GRID1: variants seen among roughly 807,000 people sequenced by gnomAD.
The protein encoded by GRID1 is glutamate ionotropic receptor delta type subunit 1, also known as glutamate receptor ionotropic, delta-1.
GRID1 carries 28 observed loss-of-function variants against 98.0 expected under a neutral mutation model. The ratio of observed to expected loss-of-function variants is 0.29; its 90% CI spans 0.21 to 0.39. The LOEUF (loss-of-function observed/expected upper bound fraction) is 0.39, where lower values mean the gene tolerates loss of function less well. Ranked by LOEUF, GRID1 falls within the 10% of genes least tolerant of loss-of-function variation. The pLI is 1.00. For synonymous variants in GRID1, 553 were observed against 538.5 expected, an observed-to-expected ratio of 1.03 and a Z score of -0.37; for missense variants, 1,111 against 1,340.5, an observed-to-expected ratio of 0.83 and a Z score of 2.67.
intron 2 of GRID1, among the ~76,000 whole-genome samples, chr10:86,271,116 C>A (rs1279481539): frequency 2.0e-5 from 3 of 152,094 alleles, no homozygotes. Context: ...AGCAAACGCC[C>A]CAAAGCCAGG....
intron 8 of GRID1, among the ~76,000 whole-genome samples, chr10:85,815,064 T>C (rs1308677384): frequency 2.0e-5 from 3 of 151,994 alleles, no homozygotes; most frequent in African/African-American, 4.8e-5. Context: ...CCAAGTGATG[T>C]TCATGCCCAA....
intron 8 of GRID1, among the ~76,000 whole-genome samples, chr10:85,779,553 T>C (rs1450188612): frequency 6.6e-6 from 1 of 152,112 alleles, no homozygotes; most frequent in East Asian, 1.9e-4. Flanking sequence ...AAGGACAGGC[T>C]CAACTGATCC....
intron 14 of GRID1, among the ~76,000 whole-genome samples, chr10:85,616,315 T>C (rs1842788005): frequency 6.6e-6 from 1 of 152,210 alleles, no homozygotes. Flanking sequence ...CCCACTGTTG[T>C]AATTAGAAAG....
intron 4 of GRID1, among the ~76,000 whole-genome samples, chr10:86,005,581 C>A (rs879543244): frequency 6.6e-6 from 1 of 152,128 alleles, no homozygotes; most frequent in Non-Finnish European, 1.5e-5. Context: ...GATAAATTAA[C>A]CACCAGGATG....
At chr10:86,000,558 T>C (rs1029544173) in intron 4 of GRID1, among the ~76,000 whole-genome samples, 1 of 152,194 alleles carries the variant, frequency 6.6e-6, no homozygotes, top group East Asian at 1.9e-4. Flanking sequence ...CAGCATGGTA[T>C]TGGTGAAGGG....
At position 86,328,710 on chromosome 10, in the gene GRID1, G is replaced by T. The variant is rs188952627; in HGVS notation, c.235+35231C>A. Among the ~76,000 whole-genome samples, 153 of 152,258 alleles carry T rather than the reference G, an allele frequency of 1.0e-3. 1 individual carries two copies. The highest frequency in any genetic ancestry group is 1.8e-3 in the Non-Finnish European group (121 of 68,016). ...TAGATTATCTCACATCCCCAGAAAT[G>T]ATTCACAGGTCAAGAGTGAGCCTTG... On this transcript the variant is annotated intron_variant, in intron 2 of 15. Transcript: ENST00000327946.
chr10:85,826,508 G>T (rs58474937), intron 8 of GRID1, among the ~76,000 whole-genome samples: 1 of 151,620 alleles, frequency 6.6e-6, no homozygotes, highest in African/African-American at 2.4e-5. Flanking sequence ...ACCCTCCCCC[G>T]TCCCCCACCC....
intron 4 of GRID1, among the ~76,000 whole-genome samples, chr10:85,933,274 T>G (rs1841881738): frequency 9.1e-6 from 1 of 110,096 alleles, no homozygotes. Flanking sequence ...AAGAAATAAA[T>G]CTCTGTTCTT....
intron 2 of GRID1, among the ~76,000 whole-genome samples, chr10:86,306,840 C>G (rs1417734154): frequency 6.6e-6 from 1 of 152,218 alleles, no homozygotes; most frequent in Non-Finnish European, 1.5e-5. Flanking sequence ...CTTAGGATAA[C>G]TGTGTCTTCC....
At chr10:86,237,929 A>C (rs982281078) in intron 2 of GRID1, among the ~76,000 whole-genome samples, 1 of 152,134 alleles carries the variant, frequency 6.6e-6, no homozygotes, top group African/African-American at 2.4e-5. Flanking sequence ...AATACAGCAA[A>C]TTGGTATTGA....
chr10:85,647,694 G>A (rs1843213775), intron 12 of GRID1: 3 of 318,872 alleles, frequency 9.4e-6, no homozygotes, highest in Admixed American at 4.2e-5. Context: ...CATGATTCCT[G>A]CCTTCAAGGA....
intron 12 of GRID1, among the ~76,000 whole-genome samples, chr10:85,667,853 C>T (rs181325801): frequency 3.9e-5 from 6 of 152,324 alleles, no homozygotes; most frequent in Non-Finnish European, 8.8e-5. Flanking sequence ...TCTGACTAGG[C>T]TTCCCCGCTC....
chr10:86,060,442 A>G (rs1055023535), intron 4 of GRID1, among the ~76,000 whole-genome samples: 1 of 152,224 alleles, frequency 6.6e-6, no homozygotes, highest in Non-Finnish European at 1.5e-5. Context: ...CAGAGCACCC[A>G]ATGTGGGCAC....
At position 85,852,379 on chromosome 10, in the gene GRID1, G is replaced by T. The variant is rs183699422; in HGVS notation, c.1233+2117C>A. Among the ~76,000 whole-genome samples, 106 of 152,270 alleles carry T rather than the reference G, an allele frequency of 7.0e-4. 1 individual carries two copies. The highest frequency in any genetic ancestry group is 5.6e-3 in the Admixed American group (85 of 15,306). On this transcript the variant is annotated intron_variant, in intron 8 of 15. Transcript: ENST00000327946. ...GGCGCATTGCCTTGGCAACGTGGAA[G>T]GTCCAGACACCTGAAACAGGAAGTG...
chr10:85,687,327 C>T (rs17105778), intron 12 of GRID1, among the ~76,000 whole-genome samples: 230 of 152,168 alleles, frequency 1.5e-3, no homozygotes, highest in Admixed American at 2.9e-3. Flanking sequence ...CTCTATCCAT[C>T]CAAAAATAGG....
intron 2 of GRID1, among the ~76,000 whole-genome samples, chr10:86,344,367 G>A (rs997117678): frequency 6.6e-6 from 1 of 152,252 alleles, no homozygotes; most frequent in African/African-American, 2.4e-5. Context: ...ATAAGAGGCA[G>A]AAGAGGGACT....
rs567155136 is a variant in GRID1 at position 85,771,217 on chromosome 10, A to G, written c.1234-41603T>C. On this transcript the variant is annotated intron_variant, in intron 8 of 15. Coordinates refer to ENST00000327946, the MANE Select transcript of GRID1 (RefSeq NM_017551.3). ...TCAACCCAGAATTTCATATCCAGCC[A>G]AACTAAGATTCATAAGTGAAGGAGA... is the stretch of plus-strand genomic sequence containing the variant. 4.3e-4 allele frequency among the ~76,000 whole-genome samples: 66 copies of G among 152,332 alleles called. 1 individual carries two copies. Among genetic ancestry groups the G allele is most frequent in the Middle Eastern group, 6.8e-3 (2 of 294 alleles).
chr10:86,012,209 T>A (rs1413336647), intron 4 of GRID1, among the ~76,000 whole-genome samples: 1 of 152,142 alleles, frequency 6.6e-6, no homozygotes, highest in Non-Finnish European at 1.5e-5. Context: ...CGGCAAGTGT[T>A]GATAAATACA....
intron 8 of GRID1, among the ~76,000 whole-genome samples, chr10:85,796,023 A>G (rs1448482932): frequency 6.6e-6 from 1 of 152,238 alleles, no homozygotes; most frequent in Admixed American, 6.5e-5. Context: ...TAATCCCAGC[A>G]TTGGAATTGA....
Sources: allele counts gnomAD v4.1 joint callset (sites outside exome capture counted in the v4.1 genomes callset), GRCh38; gene constraint gnomAD v4.1.1; transcripts MANE v1.5; gene names NCBI Gene and HGNC (gene_info 2026-07-23, HGNC 2026-07-21).